Variants in CABP7 observed in about 807,000 individuals in gnomAD.
CABP7 encodes the protein calcium-binding protein 7.
A neutral mutation model predicts 23.1 loss-of-function variants in CABP7; 13 were observed. The observed-to-expected ratio is 0.56, with a 90% CI of 0.37 to 0.90. CABP7 has a LOEUF of 0.90. Among genes scored for constraint, CABP7 ranks in the 40% least tolerant of loss-of-function variants. The pLI is 0.01. For missense variants in CABP7, 248 were observed against 295.6 expected (o/e 0.84, Z 1.18); for synonymous variants, 123 against 115.3 (o/e 1.07, Z -0.43).
At chr22:29,721,756 C>T (rs1004729467) in intron 1 of CABP7, among the ~76,000 whole-genome samples, 1 of 152,160 alleles carries the variant, frequency 6.6e-6, no homozygotes. Context: ...GCTCACTGCA[C>T]CATAGGCATG....
intron 1 of CABP7, among the ~76,000 whole-genome samples, chr22:29,721,531 G>A (rs547343090): frequency 6.6e-6 from 1 of 152,222 alleles, no homozygotes; most frequent in South Asian, 2.1e-4. Flanking sequence ...TGGGCCTCTC[G>A]GGGTACCTTG....
rs377507972 is a variant in CABP7, at chr22:29,729,595, G to A, written c.*26G>A. 4.7e-5 allele frequency: 76 copies of A among 1,603,940 alleles called. No individual in the cohort carries two copies. The highest frequency in any genetic ancestry group is 6.6e-5 in the South Asian group (6 of 90,992). ...ACGCCACCTGGATGCCCCATCCACCGCATGCGGTGCCCGTGGCCCGCCCCA... is the reference window on the plus strand; with the variant it reads ...ACGCCACCTGGATGCCCCATCCACCACATGCGGTGCCCGTGGCCCGCCCCA... On this transcript the variant is annotated 3_prime_UTR_variant, in exon 5 of 5. Coordinates refer to ENST00000216144, the MANE Select transcript of CABP7 (RefSeq NM_182527.3).
intron 1 of CABP7, among the ~76,000 whole-genome samples, chr22:29,722,186 C>G (rs1050258951): frequency 1.3e-5 from 2 of 152,352 alleles, no homozygotes; most frequent in Admixed American, 6.5e-5. Context: ...CCCCACCACC[C>G]CAACTCCAGC....
chr22:29,720,384 C>T lies in CABP7; in HGVS notation c.-41C>T. The T allele has an allele frequency of 7.2e-7, 1 of 1,396,314 alleles. No individual in the cohort carries two copies. Among genetic ancestry groups the T allele is most frequent in the Non-Finnish European group, 9.5e-7 (1 of 1,047,130 alleles). The allele number at this position is 1,396,314 out of a possible 1,614,324, so 86.5% of individuals were successfully genotyped here. A position where few individuals can be genotyped will look rare whatever the true frequency, so the allele number is the denominator to read the frequency against. On this transcript the variant is annotated 5_prime_UTR_variant, in exon 1 of 5. Transcript: ENST00000216144. This position sits in a 1 kb window ranked among gnomAD's most constrained non-coding sequence, Gnocchi z 5.2. ...CCGCCACCGGCCCATGAGCCCCGGC[C>T]TCAAAGTTTGCGGCGGGCGGGCGGG...
intron 4 of CABP7, 57 bp downstream of exon 4, chr22:29,729,265 G>A (rs1280127666): frequency 8.9e-6 from 14 of 1,576,272 alleles, no homozygotes; most frequent in Non-Finnish European, 6.9e-6. Context: ...CCAGGGGGAC[G>A]CACGGGGTGG....
Position 29,727,601 on chromosome 22 carries a change from CTGG to C in CABP7, c.110-60_110-58del. On this transcript the variant is annotated intron_variant, in intron 1 of 4. Coordinates refer to ENST00000216144, the MANE Select transcript of CABP7 (RefSeq NM_182527.3). The surrounding 1 kb of genome is among the most constrained non-coding windows in gnomAD (Gnocchi z 4.2). ...CTGCAGGGTCGGTGATCCTGGGGGT[CTGG>C]AAAGGGGGTCTGTTGGGGACCGGGG... 6.2e-7 allele frequency: 1 copy of C among 1,604,074 alleles called. No homozygotes were observed. The highest frequency in any genetic ancestry group is 1.7e-5 in the Admixed American group (1 of 59,328).
chr22:29,725,285 G>A lies in CABP7; in HGVS notation c.110-2377G>A, dbSNP rs943691225. Among the ~76,000 whole-genome samples the A allele has an allele frequency of 3.3e-5, 5 of 152,138 alleles. No individual in the cohort carries two copies. The South Asian group carries it at 6.2e-4, about 19-fold the overall frequency. ...CCCTGTCTGCTTCTCGGCTGCTTGG[G>A]GAGTGGAAATGAACGTGTCCCCTAA... On this transcript the variant is annotated intron_variant, in intron 1 of 4. Coordinates refer to ENST00000216144, the MANE Select transcript of CABP7 (RefSeq NM_182527.3).
rs2147208048 is a variant in CABP7 at position 29,727,503 on chromosome 22, C to G, written c.110-159C>G. ...GCCCAGAGGTCCCAGAATACGGCAC[C>G]CTTGTGCACCCTCGGGCCATGCTCT... On this transcript the variant is annotated intron_variant, in intron 1 of 4. Coordinates refer to ENST00000216144, the MANE Select transcript of CABP7 (RefSeq NM_182527.3). This position sits in a 1 kb window ranked among gnomAD's most constrained non-coding sequence, Gnocchi z 4.2. Among the ~76,000 whole-genome samples the G allele has an allele frequency of 6.6e-6, 1 of 152,280 alleles. No individual in the cohort carries two copies. Among genetic ancestry groups the G allele is most frequent in the Middle Eastern group, 3.4e-3 (1 of 294 alleles).
At position 29,730,816 on chromosome 22, in the gene CABP7, TC is replaced by T. The variant is rs1375306757; in HGVS notation, c.*1248del. Reference sequence around the variant, plus strand: ...ACCCTCTGCCTGGCCGTGCTGAACCTCTGCTGGTCCCAAGGGAGAAGGGAGT... The same window carrying T: ...ACCCTCTGCCTGGCCGTGCTGAACCTTGCTGGTCCCAAGGGAGAAGGGAGT... On this transcript the variant is annotated 3_prime_UTR_variant, in exon 5 of 5. Coordinates refer to ENST00000216144, the MANE Select transcript of CABP7 (RefSeq NM_182527.3). 14 of 154,584 alleles carry T rather than the reference TC, an allele frequency of 9.1e-5. No homozygotes were observed. Among genetic ancestry groups the T allele is most frequent in the Admixed American group, 1.3e-4 (2 of 15,330 alleles). 9.6% of individuals were successfully genotyped at this position (154,584 alleles called of 1,614,324 possible). A position where few individuals can be genotyped will look rare whatever the true frequency, so the allele number is the denominator to read the frequency against.
rs1307868904 is a variant in CABP7, at chr22:29,727,345, C to A, written c.110-317C>A. ...GGGGCCGGGGAGATCCAGCATCCTC[C>A]CCTGCACGTGGTCCCCACCACACGG... On this transcript the variant is annotated intron_variant, in intron 1 of 4. Coordinates refer to ENST00000216144, the MANE Select transcript of CABP7 (RefSeq NM_182527.3). The surrounding 1 kb of genome is among the most constrained non-coding windows in gnomAD (Gnocchi z 4.2). Among the ~76,000 whole-genome samples the A allele has an allele frequency of 6.6e-6, 1 of 152,184 alleles. No individual in the cohort carries two copies. Among genetic ancestry groups the A allele is most frequent in the Non-Finnish European group, 1.5e-5 (1 of 68,028 alleles).
rs113394327 is a variant in CABP7, at chr22:29,730,603, C to T, written c.*1034C>T. 2,693 of 152,642 alleles carry T rather than the reference C, an allele frequency of 0.018. 70 individuals carry two copies. Among genetic ancestry groups the T allele is most frequent in the African/African-American group, 0.058 (2,417 of 41,578 alleles). The allele number at this position is 152,642 out of a possible 1,614,324, so 9.5% of individuals were successfully genotyped here. The stretch of plus-strand genomic sequence containing the variant: ...GCCCTCCTGTCCTCCCACTTCTCTA[C>T]GCCCTCAAGGTTGGAGACCCCGCTC... On this transcript the variant is annotated 3_prime_UTR_variant, in exon 5 of 5. Transcript: ENST00000216144.
chr22:29,724,074 G>A (rs548680949), intron 1 of CABP7, among the ~76,000 whole-genome samples: 37 of 152,342 alleles, frequency 2.4e-4, no homozygotes, highest in Admixed American at 7.8e-4. Context: ...CTTACGGGAC[G>A]GGAAGGGAGC....
At position 29,720,307 on chromosome 22, in the gene CABP7, C is replaced by T. The variant is rs2147204082; in HGVS notation, c.-118C>T. Reference sequence around the variant, plus strand: ...GGGGCGTCCCCAGCCTCGCCGCTGCCGCCGCCGCCCTCCGCAGCCGCGCGC... The same window carrying T: ...GGGGCGTCCCCAGCCTCGCCGCTGCTGCCGCCGCCCTCCGCAGCCGCGCGC... On this transcript the variant is annotated 5_prime_UTR_variant, in exon 1 of 5. Transcript: ENST00000216144. The surrounding 1 kb of genome is among the most constrained non-coding windows in gnomAD (Gnocchi z 5.2). 1 of 276,362 alleles carries T rather than the reference C, an allele frequency of 3.6e-6. No individual in the cohort carries two copies. The highest frequency in any genetic ancestry group is 5.6e-6 in the Non-Finnish European group (1 of 179,364). 17.1% of individuals were successfully genotyped at this position (276,362 alleles called of 1,614,324 possible).
At position 29,730,275 on chromosome 22, in the gene CABP7, G is replaced by A. The variant is rs2067829911; in HGVS notation, c.*706G>A. 1 of 152,756 alleles carries A rather than the reference G, an allele frequency of 6.5e-6. No individual in the cohort carries two copies. The highest frequency in any genetic ancestry group is 2.4e-5 in the African/African-American group (1 of 41,444). 9.5% of individuals were successfully genotyped at this position (152,756 alleles called of 1,614,324 possible). ...ACAGGGATTTTCAGGAAAGGCAGAAGCTCGTGGAGGATGGGCATCTGAGGT... is the reference window on the plus strand; with the variant it reads ...ACAGGGATTTTCAGGAAAGGCAGAAACTCGTGGAGGATGGGCATCTGAGGT... On this transcript the variant is annotated 3_prime_UTR_variant, in exon 5 of 5. Transcript: ENST00000216144.
At chr22:29,724,468 A>G (rs2067781897) in intron 1 of CABP7, among the ~76,000 whole-genome samples, 1 of 152,206 alleles carries the variant, frequency 6.6e-6, no homozygotes, top group South Asian at 2.1e-4. Context: ...TTTATTGCTT[A>G]ATCATCCCAG....
intron 3 of CABP7, 47 bp from the exon 4 acceptor site, chr22:29,729,007 TG>T: frequency 3.8e-6 from 6 of 1,594,356 alleles, no homozygotes; most frequent in Non-Finnish European, 5.1e-6. Context: ...GGGTGCTGGG[TG>T]GGGGCTGCGG....
chr22:29,729,016 C>T (rs755722478), intron 3 of CABP7, 39 bp from the exon 4 acceptor site: 10 of 1,596,662 alleles, frequency 6.3e-6, no homozygotes, highest in Middle Eastern at 2.3e-4. Flanking sequence ...GTGGGGGCTG[C>T]GGTGGCTCTC....
At chr22:29,728,820 A>C in intron 3 of CABP7, 78 bp downstream of exon 3, 1 of 1,179,992 alleles carries the variant, frequency 8.5e-7, no homozygotes, top group South Asian at 1.3e-5. Flanking sequence ...GGCTGGGCCC[A>C]CACTGTAAAG....
rs2067748416 is a variant in CABP7 at position 29,720,164 on chromosome 22, C to T, written c.-261C>T. ...CACCGCGCGAGGCAGCCGGAGCTCT[C>T]GGAAAGGCCAGAGCGGCGCCGCCCC... On this transcript the variant is annotated 5_prime_UTR_variant, in exon 1 of 5. Transcript: ENST00000216144. This position sits in a 1 kb window ranked among gnomAD's most constrained non-coding sequence, Gnocchi z 5.2. 1 of 146,838 alleles carries T rather than the reference C, an allele frequency of 6.8e-6. No individual in the cohort carries two copies. Among genetic ancestry groups the T allele is most frequent in the African/African-American group, 2.4e-5 (1 of 40,848 alleles). 9.1% of individuals were successfully genotyped at this position (146,838 alleles called of 1,614,324 possible).
Sources: gnomAD v4.1 joint callset for allele counts (sites outside exome capture counted in the v4.1 genomes callset) on GRCh38, gnomAD v4.1.1 for gene constraint, Gnocchi (gnomAD v3.1) non-coding constraint, MANE v1.5 for transcripts, NCBI Gene and HGNC (gene_info 2026-07-23, HGNC 2026-07-21) for gene names.